PRMT3: variants seen among roughly 807,000 people sequenced by gnomAD.
PRMT3 encodes protein arginine methyltransferase 3.
PRMT3 carries 62 observed loss-of-function variants against 71.9 expected under a neutral mutation model. That is an observed-to-expected ratio of 0.86 (90% confidence interval 0.70 to 1.07). PRMT3 has a LOEUF of 1.07. Among genes scored for constraint, PRMT3 ranks in the 50% least tolerant of loss-of-function variants. The probability of loss-of-function intolerance (pLI) is 0.00; values close to 1 mark genes in which losing one functional copy is unlikely to be tolerated. For synonymous variants in PRMT3, 213 were observed against 220.4 expected (o/e 0.97, Z 0.30); for missense variants, 663 against 643.0 (o/e 1.03, Z -0.34).
chr11:20,398,714 C>T (rs1848885971), intron 7 of PRMT3, among the ~76,000 whole-genome samples: 1 of 152,204 alleles, frequency 6.6e-6, no homozygotes, highest in Admixed American at 6.5e-5. Context: ...TACACAAATA[C>T]CACTGTGTTA....
intron 9 of PRMT3, among the ~76,000 whole-genome samples, chr11:20,422,076 A>G (rs115871346): frequency 0.032 from 4,899 of 152,274 alleles, 190 homozygotes; most frequent in Admixed American, 0.12. Flanking sequence ...TACTCACTGT[A>G]GCAGATTAGT....
intron 9 of PRMT3, among the ~76,000 whole-genome samples, chr11:20,414,018 A>G (rs1000413527): frequency 2.0e-5 from 3 of 152,100 alleles, no homozygotes; most frequent in Admixed American, 6.6e-5. Context: ...TTAAAAATAC[A>G]TAGTCTTTTA....
rs572261186 is a variant in PRMT3 at position 20,457,344 on chromosome 11, G to T, written c.1073-4636G>T. Among the ~76,000 whole-genome samples the T allele has an allele frequency of 2.0e-5, 3 of 152,222 alleles. No individual in the cohort carries two copies. In the East Asian group the frequency reaches 5.8e-4, roughly 29 times the overall value. Reference sequence around the variant, plus strand: ...TCTTCCATTTGAAAAGCATTAAAATGTGGCATCATGCATAATGGAAAGCAT... The same window carrying T: ...TCTTCCATTTGAAAAGCATTAAAATTTGGCATCATGCATAATGGAAAGCAT... On this transcript the variant is annotated intron_variant, in intron 11 of 15. Coordinates refer to ENST00000331079, the MANE Select transcript of PRMT3 (RefSeq NM_005788.4).
intron 9 of PRMT3, among the ~76,000 whole-genome samples, chr11:20,418,997 A>G (rs1849368825): frequency 6.6e-6 from 1 of 152,180 alleles, no homozygotes; most frequent in African/African-American, 2.4e-5. Flanking sequence ...TTTTGTTATG[A>G]TCAGTTTTTA....
chr11:20,388,004 G>T lies in PRMT3; in HGVS notation c.29-15G>T. 1 of 1,595,602 alleles carries T rather than the reference G, an allele frequency of 6.3e-7. No homozygotes were observed. Among genetic ancestry groups the T allele is most frequent in the Non-Finnish European group, 8.6e-7 (1 of 1,168,210 alleles). ...GGTGTCCGAGGCCGATCTGATTGTTGTGTGTGTGTGTTAGGCGGCCGGGGC... is the reference window on the plus strand; with the variant it reads ...GGTGTCCGAGGCCGATCTGATTGTTTTGTGTGTGTGTTAGGCGGCCGGGGC... On this transcript the variant is annotated splice_polypyrimidine_tract_variant and intron_variant, in intron 1 of 15. Transcript: ENST00000331079.
chr11:20,402,803 G>C, intron 7 of PRMT3, 116 bp from the exon 8 acceptor site: 1 of 623,932 alleles, frequency 1.6e-6, no homozygotes, highest in Non-Finnish European at 2.7e-6. Flanking sequence ...GGTATCCCAG[G>C]TATAAAAACT....
intron 11 of PRMT3, among the ~76,000 whole-genome samples, chr11:20,456,855 CT>C (rs1312069476): frequency 2.0e-5 from 3 of 152,012 alleles, no homozygotes; most frequent in Non-Finnish European, 4.4e-5. Context: ...TATAATGTAT[CT>C]TTTCATTTTT....
At chr11:20,408,076 A>G (rs1849112784) in intron 9 of PRMT3, 44 bp downstream of exon 9, 1 of 1,362,540 alleles carries the variant, frequency 7.3e-7, no homozygotes, top group African/African-American at 1.5e-5. Context: ...TTTAAAATTT[A>G]ATGATTATTT....
chr11:20,457,620 G>GAGTTACA (rs1191012494), intron 11 of PRMT3, among the ~76,000 whole-genome samples: 6 of 152,196 alleles, frequency 3.9e-5, no homozygotes, highest in African/African-American at 1.4e-4. Context: ...GTTACAACTG[G>GAGTTACA]TGAACATGAG....
At chr11:20,417,479 C>G (rs1197821502) in intron 9 of PRMT3, among the ~76,000 whole-genome samples, 1 of 152,082 alleles carries the variant, frequency 6.6e-6, no homozygotes, top group Non-Finnish European at 1.5e-5. Context: ...CTCACATGTA[C>G]TTTATGCTGT....
At chr11:20,424,652 A>G (rs2133349210) in intron 9 of PRMT3, among the ~76,000 whole-genome samples, 1 of 152,262 alleles carries the variant, frequency 6.6e-6, no homozygotes, top group East Asian at 1.9e-4. Context: ...AGCATGAACC[A>G]TAAAAGAAAA....
Position 20,476,719 on chromosome 11 carries a change from T to C in PRMT3, c.1347+12173T>C, listed in dbSNP as rs1348867301. Among the ~76,000 whole-genome samples the C allele has an allele frequency of 2.0e-5, 3 of 149,870 alleles. No homozygotes were observed. The East Asian group carries it at 5.9e-4, about 29-fold the overall frequency. On this transcript the variant is annotated intron_variant, in intron 13 of 15. Coordinates refer to ENST00000331079, the MANE Select transcript of PRMT3 (RefSeq NM_005788.4). ...CCAATAAATATTTTTATTTCAGATA[T>C]CTTTTAGTTGTACAATTTCTATTTT...
chr11:20,449,484 A>G (rs1850102124), intron 10 of PRMT3, among the ~76,000 whole-genome samples: 1 of 152,170 alleles, frequency 6.6e-6, no homozygotes, highest in African/African-American at 2.4e-5. Flanking sequence ...CAGAACTTGT[A>G]TAGTGAGATC....
chr11:20,398,992 A>T (rs1231337347), intron 7 of PRMT3, among the ~76,000 whole-genome samples: 1 of 152,238 alleles, frequency 6.6e-6, no homozygotes, highest in East Asian at 1.9e-4. Context: ...TATACTTGAT[A>T]ATTATACATT....
intron 7 of PRMT3, among the ~76,000 whole-genome samples, chr11:20,399,784 C>T (rs538891979): frequency 1.2e-4 from 19 of 152,180 alleles, no homozygotes; most frequent in Non-Finnish European, 2.4e-4. Flanking sequence ...TGTCAGTAAC[C>T]ATAAGACTTC....
intron 11 of PRMT3, among the ~76,000 whole-genome samples, chr11:20,458,188 A>C (rs1009505397): frequency 6.6e-6 from 1 of 152,160 alleles, no homozygotes; most frequent in African/African-American, 2.4e-5. Context: ...ATCATGAAAA[A>C]AGTGGTTTAT....
At chr11:20,391,477 A>G (rs1848713611) in intron 3 of PRMT3, among the ~76,000 whole-genome samples, 1 of 152,162 alleles carries the variant, frequency 6.6e-6, no homozygotes, top group Admixed American at 6.5e-5. Flanking sequence ...TCCCGACCTC[A>G]GGTGATCCGC....
chr11:20,481,146 A>G (rs536202654), intron 13 of PRMT3, among the ~76,000 whole-genome samples: 97 of 152,268 alleles, frequency 6.4e-4, no homozygotes, highest in African/African-American at 2.2e-3. Context: ...TGTATTTTTT[A>G]ACCTATGCTA....
intron 13 of PRMT3, among the ~76,000 whole-genome samples, chr11:20,478,499 C>A (rs1221124750): frequency 2.0e-5 from 3 of 151,332 alleles, no homozygotes; most frequent in Admixed American, 6.6e-5. Context: ...CCACTGCACT[C>A]CAGCCTGGGT....
Sources: allele counts gnomAD v4.1 joint callset (sites outside exome capture counted in the v4.1 genomes callset), GRCh38; gene constraint gnomAD v4.1.1; transcripts MANE v1.5; gene names NCBI Gene and HGNC (gene_info 2026-07-23, HGNC 2026-07-21).